The following RAP1GDS1 variants were observed in gnomAD, a reference collection of about 807,000 sequenced individuals.
RAP1GDS1 encodes the protein RAP1, GTP-GDP dissociation stimulator 1.
Under a neutral mutation model 71.1 loss-of-function variants are expected in RAP1GDS1, and 35 were observed. The observed-to-expected ratio is 0.49, with a 90% CI of 0.38 to 0.65. RAP1GDS1 has a LOEUF of 0.65. RAP1GDS1 is among the 30% of genes least tolerant of loss of function. The probability of loss-of-function intolerance (pLI) is 0.00; values close to 1 mark genes in which losing one functional copy is unlikely to be tolerated. For synonymous variants in RAP1GDS1, 229 were observed against 243.1 expected (o/e 0.94, Z 0.54); for missense variants, 663 against 706.1 (o/e 0.94, Z 0.69).
At chr4:98,409,944 A>G (rs1746773081) in intron 7 of RAP1GDS1, among the ~76,000 whole-genome samples, 1 of 152,152 alleles carries the variant, frequency 6.6e-6, no homozygotes, top group Non-Finnish European at 1.5e-5. Flanking sequence ...CTCTAATCAT[A>G]AAGGAAAAAA....
At chr4:98,348,710 A>C (rs1460753020) in intron 3 of RAP1GDS1, among the ~76,000 whole-genome samples, 1 of 152,140 alleles carries the variant, frequency 6.6e-6, no homozygotes, top group Non-Finnish European at 1.5e-5. Context: ...CATTTATCTG[A>C]TGGCCAGTGA....
intron 1 of RAP1GDS1, among the ~76,000 whole-genome samples, chr4:98,280,357 T>G (rs181977787): frequency 3.3e-5 from 5 of 152,190 alleles, no homozygotes; most frequent in African/African-American, 1.2e-4. Flanking sequence ...CTCTGATGAC[T>G]AGTGATGATG....
Position 98,442,159 on chromosome 4 carries a change from C to A in RAP1GDS1, c.*42C>A. ...GGCATCATCCCATCTCTAATTTCCC[C>A]TCTGTCCTCCATCCAGCGGCTTCTT... On this transcript the variant is annotated 3_prime_UTR_variant, in exon 15 of 15. Transcript: ENST00000408927. 1 of 1,601,076 alleles carries A rather than the reference C, an allele frequency of 6.2e-7. No individual in the cohort carries two copies. The highest frequency in any genetic ancestry group is 8.5e-7 in the Non-Finnish European group (1 of 1,175,754).
intron 4 of RAP1GDS1, among the ~76,000 whole-genome samples, chr4:98,370,881 T>C (rs1351074588): frequency 1.3e-5 from 2 of 152,104 alleles, no homozygotes; most frequent in Non-Finnish European, 2.9e-5. Flanking sequence ...GTATTGAGGC[T>C]TTTATTCTGT....
intron 6 of RAP1GDS1, among the ~76,000 whole-genome samples, chr4:98,394,160 A>G (rs1362649581): frequency 6.6e-6 from 1 of 152,186 alleles, no homozygotes; most frequent in Non-Finnish European, 1.5e-5. Context: ...AAGAACTTAT[A>G]TAATTGTAGT....
chr4:98,300,030 GGGT>G (rs1728340107), intron 2 of RAP1GDS1, among the ~76,000 whole-genome samples: 1 of 152,144 alleles, frequency 6.6e-6, no homozygotes, highest in African/African-American at 2.4e-5. Context: ...AACATTGACA[GGGT>G]TTGAAAGAAT....
intron 1 of RAP1GDS1, among the ~76,000 whole-genome samples, chr4:98,280,705 ATTGTCTCGGTTTTCTTCTAGAGTT>A (rs1194875457): frequency 6.6e-5 from 10 of 151,874 alleles, no homozygotes; most frequent in African/African-American, 1.9e-4. Context: ...CCTGAATGGT[ATTGTCTCGGTTTTCTTCTAGAGTT>A]TTTATGGTTT....
In RAP1GDS1 at chr4:98,411,448, CA is replaced by C. The variant is rs200013590; in HGVS notation, c.764-5286del. Among the ~76,000 whole-genome samples the C allele has an allele frequency of 1.8e-3, 258 of 146,182 alleles. 1 individual carries two copies. The South Asian group carries it at 0.019, about 11-fold the overall frequency. On this transcript the variant is annotated intron_variant, in intron 7 of 14. Transcript: ENST00000408927. ...TGGGCAACACAGCAAGACCCTGTCT[CA>C]AAAAAAAAAATTAATTAAAATTTTA...
chr4:98,297,303 G>C (rs768660883), intron 2 of RAP1GDS1, among the ~76,000 whole-genome samples: 2 of 151,898 alleles, frequency 1.3e-5, no homozygotes, highest in Non-Finnish European at 2.9e-5. Context: ...CTCCCTTCTA[G>C]GCTACAATGC....
chr4:98,328,279 T>C (rs749382034), intron 2 of RAP1GDS1, among the ~76,000 whole-genome samples: 6 of 152,234 alleles, frequency 3.9e-5, no homozygotes, highest in African/African-American at 9.6e-5. Flanking sequence ...AGCCACTGAT[T>C]GTTAAATTTC....
chr4:98,416,350 T>TG (rs1560986535), intron 7 of RAP1GDS1, among the ~76,000 whole-genome samples: 1 of 127,362 alleles, frequency 7.9e-6, no homozygotes, highest in Non-Finnish European at 1.7e-5. Flanking sequence ...TTTTTTTTTT[T>TG]TTTTTTTTTT....
At chr4:98,304,585 G>A (rs1729050655) in intron 2 of RAP1GDS1, among the ~76,000 whole-genome samples, 1 of 151,988 alleles carries the variant, frequency 6.6e-6, no homozygotes, top group African/African-American at 2.4e-5. Flanking sequence ...TGTAAATTCT[G>A]GATATTAGAC....
At chr4:98,441,903 C>T (rs1751920421) in intron 14 of RAP1GDS1, 87 bp from the exon 15 acceptor site, 2 of 1,422,590 alleles carry the variant, frequency 1.4e-6, no homozygotes, top group African/African-American at 2.8e-5. Flanking sequence ...TAAGCTTAGT[C>T]TTGTCAAAAT....
intron 5 of RAP1GDS1, among the ~76,000 whole-genome samples, chr4:98,386,316 T>C (rs970659608): frequency 1.3e-5 from 2 of 151,916 alleles, no homozygotes; most frequent in Non-Finnish European, 2.9e-5. Flanking sequence ...AAAATATTTT[T>C]ACTATCTGTT....
intron 7 of RAP1GDS1, among the ~76,000 whole-genome samples, chr4:98,410,647 T>C (rs1351279034): frequency 2.6e-5 from 4 of 152,192 alleles, no homozygotes; most frequent in Middle Eastern, 3.4e-3. Context: ...GATATTAATA[T>C]AATGGAAAAA....
At chr4:98,389,610 C>A (rs1743300593) in intron 5 of RAP1GDS1, among the ~76,000 whole-genome samples, 2 of 152,094 alleles carry the variant, frequency 1.3e-5, no homozygotes, top group African/African-American at 4.8e-5. Flanking sequence ...TATGGCAATA[C>A]CTACAATGTG....
intron 1 of RAP1GDS1, among the ~76,000 whole-genome samples, chr4:98,287,841 T>C (rs927232581): frequency 6.6e-6 from 1 of 152,176 alleles, no homozygotes; most frequent in Non-Finnish European, 1.5e-5. Flanking sequence ...ATATTTAGTA[T>C]TTAGGTACAT....
At position 98,442,084 on chromosome 4, in the gene RAP1GDS1, T is replaced by C; in HGVS notation, c.1791T>C (p.Ser597=). 2 of 1,613,888 alleles carry C rather than the reference T, an allele frequency of 1.2e-6. No individual in the cohort carries two copies. The highest frequency in any genetic ancestry group is 8.5e-7 in the Non-Finnish European group (1 of 1,179,982). Reference sequence around the variant, plus strand: ...ACAAAAGTGTTGCCCAGCAGGCCTCTCTCACAGAGCAGAGACTTACTGTGG... The same window carrying C: ...ACAAAAGTGTTGCCCAGCAGGCCTCCCTCACAGAGCAGAGACTTACTGTGG... ...HENKSVAQQA[S]LTEQRLTVES is the part of the protein sequence containing the mutation. The change falls in exon 15 of 15, where the codon TCT becomes TCC. Residue 597 remains serine (S), a synonymous_variant. Coordinates refer to ENST00000408927, the MANE Select transcript of RAP1GDS1 (RefSeq NM_001100427.2).
At chr4:98,344,821 T>TTTTG (rs1047717029) in intron 3 of RAP1GDS1, among the ~76,000 whole-genome samples, 2 of 151,932 alleles carry the variant, frequency 1.3e-5, no homozygotes, top group Non-Finnish European at 2.9e-5. Flanking sequence ...TGTTGAGTGT[T>TTTTG]TTTGTTTGTT....
Sources: allele counts gnomAD v4.1 joint callset (sites outside exome capture counted in the v4.1 genomes callset), GRCh38; gene constraint gnomAD v4.1.1; transcripts MANE v1.5; gene names NCBI Gene and HGNC (gene_info 2026-07-23, HGNC 2026-07-21).